The following GRIK4 variants were observed in gnomAD, a reference collection of about 807,000 sequenced individuals.
The protein encoded by GRIK4 is glutamate ionotropic receptor kainate type subunit 4, also known as glutamate receptor ionotropic, kainate 4.
GRIK4 carries 40 observed loss-of-function variants against 104.9 expected under a neutral mutation model. The ratio of observed to expected loss-of-function variants is 0.38; its 90% CI spans 0.30 to 0.50. GRIK4 has a LOEUF of 0.50. Among genes scored for constraint, GRIK4 ranks in the 20% least tolerant of loss-of-function variants. GRIK4 has a pLI of 0.93. For synonymous variants in GRIK4, 485 were observed against 524.9 expected (o/e 0.92, Z 1.04); for missense variants, 1,047 against 1,308.1 (o/e 0.80, Z 3.08).
At chr11:120,519,878 TTG>T (rs1491052591) in intron 1 of GRIK4, among the ~76,000 whole-genome samples, 1,741 of 101,776 alleles carry the variant, frequency 0.017, 26 homozygotes, top group African/African-American at 0.045. Flanking sequence ...TTTTTTTTTT[TTG>T]TTTTTTTTTT....
chr11:120,620,118 G>T (rs561504654), intron 1 of GRIK4: 3 of 783,370 alleles, frequency 3.8e-6, no homozygotes, highest in African/African-American at 1.6e-5. Flanking sequence ...CAGCAAAATT[G>T]ACCTGGGCCA....
At chr11:120,639,828 G>A (rs946780483) in intron 1 of GRIK4, among the ~76,000 whole-genome samples, 1 of 152,070 alleles carries the variant, frequency 6.6e-6, no homozygotes, top group African/African-American at 2.4e-5. Context: ...AGAAATTCTG[G>A]TTATGTCATC....
intron 3 of GRIK4, among the ~76,000 whole-genome samples, chr11:120,691,122 G>C (rs1255535413): frequency 6.6e-6 from 1 of 152,184 alleles, no homozygotes; most frequent in East Asian, 1.9e-4. Context: ...GGGAGTGTTT[G>C]CTGCTTTCTC....
At chr11:120,635,730 G>A (rs1949389212) in intron 1 of GRIK4, among the ~76,000 whole-genome samples, 1 of 152,204 alleles carries the variant, frequency 6.6e-6, no homozygotes. Flanking sequence ...GGGCGTACAG[G>A]ATAAGCATGC....
chr11:120,947,975 G>A (rs991205694), intron 14 of GRIK4, among the ~76,000 whole-genome samples: 1 of 152,236 alleles, frequency 6.6e-6, no homozygotes, highest in Non-Finnish European at 1.5e-5. Flanking sequence ...CCATCTGGGT[G>A]CTTTACGTGG....
intron 3 of GRIK4, among the ~76,000 whole-genome samples, chr11:120,725,766 A>G (rs892664068): frequency 6.6e-6 from 1 of 151,862 alleles, no homozygotes; most frequent in Non-Finnish European, 1.5e-5. Flanking sequence ...AATCTATGGA[A>G]CTATTGGGTC....
At chr11:120,744,074 C>T (rs1181515403) in intron 3 of GRIK4, among the ~76,000 whole-genome samples, 1 of 152,198 alleles carries the variant, frequency 6.6e-6, no homozygotes, top group Non-Finnish European at 1.5e-5. Context: ...CTGTATAATT[C>T]TCCCGGCACC....
intron 7 of GRIK4, among the ~76,000 whole-genome samples, chr11:120,836,173 G>A (rs1405602036): frequency 6.6e-6 from 1 of 152,178 alleles, no homozygotes; most frequent in Admixed American, 6.5e-5. Flanking sequence ...CAGTCCTGAA[G>A]GGGGAGTATA....
At chr11:120,576,355 G>GA (rs1325349284) in intron 1 of GRIK4, 2 of 152,198 alleles carry the variant, frequency 1.3e-5, no homozygotes, top group Non-Finnish European at 2.9e-5. Context: ...TTGCAAACAT[G>GA]AAAATAGGTG....
intron 3 of GRIK4, among the ~76,000 whole-genome samples, chr11:120,730,023 C>CT (rs1291815155): frequency 6.6e-6 from 1 of 152,162 alleles, no homozygotes; most frequent in Non-Finnish European, 1.5e-5. Context: ...AAGAGACTGT[C>CT]TTTTCCCCAG....
At chr11:120,694,536 C>T (rs373963509) in intron 3 of GRIK4, among the ~76,000 whole-genome samples, 12 of 152,222 alleles carry the variant, frequency 7.9e-5, no homozygotes, top group African/African-American at 2.9e-4. Context: ...CCCCCCAACC[C>T]AACCTCTCAA....
intron 8 of GRIK4, among the ~76,000 whole-genome samples, chr11:120,851,749 T>C (rs1205742673): frequency 6.6e-6 from 1 of 151,758 alleles, no homozygotes; most frequent in African/African-American, 2.4e-5. Context: ...TGGTGGCCTC[T>C]GGAACACAGC....
chr11:120,799,479 G>A (rs1405826786), intron 3 of GRIK4, among the ~76,000 whole-genome samples: 2 of 152,208 alleles, frequency 1.3e-5, no homozygotes, highest in Admixed American at 6.5e-5. Context: ...CCCCTGCTTC[G>A]CAGCAAATCC....
chr11:120,968,571 A>C (rs879123024), intron 19 of GRIK4, among the ~76,000 whole-genome samples: 1 of 152,188 alleles, frequency 6.6e-6, no homozygotes, highest in Non-Finnish European at 1.5e-5. Context: ...ATCTTGCAAG[A>C]AGAGGTCTCA....
At chr11:120,846,897 T>C (rs900732310) in intron 8 of GRIK4, among the ~76,000 whole-genome samples, 2 of 152,170 alleles carry the variant, frequency 1.3e-5, no homozygotes, top group Non-Finnish European at 2.9e-5. Context: ...AGTGTCCTCA[T>C]CTGGCTGGCT....
intron 13 of GRIK4, among the ~76,000 whole-genome samples, chr11:120,915,326 C>A (rs1024695345): frequency 2.6e-5 from 4 of 152,220 alleles, no homozygotes; most frequent in African/African-American, 9.7e-5. Context: ...AGGTTCTTTT[C>A]TGTCAGTAGG....
chr11:120,821,905 G>A (rs1953136462), intron 6 of GRIK4, among the ~76,000 whole-genome samples: 1 of 152,170 alleles, frequency 6.6e-6, no homozygotes, highest in South Asian at 2.1e-4. Context: ...AGGGTCGATG[G>A]TCATGAAGCA....
intron 1 of GRIK4, among the ~76,000 whole-genome samples, chr11:120,601,924 C>T (rs148072282): frequency 2.6e-5 from 4 of 152,116 alleles, no homozygotes; most frequent in South Asian, 2.1e-4. Flanking sequence ...GTGGGCTAAG[C>T]GGCTTCTTTT....
In GRIK4 at chr11:120,902,252, G is replaced by A. The variant is rs753300916; in HGVS notation, c.1273-3038G>A. Among the ~76,000 whole-genome samples the A allele has an allele frequency of 3.4e-4, 52 of 152,162 alleles. No individual in the cohort carries two copies. The highest frequency in any genetic ancestry group is 9.7e-4 in the East Asian group (5 of 5,164). On this transcript the variant is annotated intron_variant, in intron 12 of 20. Coordinates refer to ENST00000527524, the MANE Select transcript of GRIK4 (RefSeq NM_014619.5). The surrounding 1 kb of genome is among the most constrained non-coding windows in gnomAD (Gnocchi z 4.5). ...GAACACCTTTTCTGTATCAGACCCC[G>A]TGTTCAGCGGTTTGCCACATTCTCA...
Sources: gnomAD v4.1 joint callset for allele counts (sites outside exome capture counted in the v4.1 genomes callset) on GRCh38, gnomAD v4.1.1 for gene constraint, Gnocchi (gnomAD v3.1) non-coding constraint, MANE v1.5 for transcripts, NCBI Gene and HGNC (gene_info 2026-07-23, HGNC 2026-07-21) for gene names.